Variants in PACRG observed in about 807,000 individuals in gnomAD.
PACRG encodes parkin coregulated gene protein.
Under a neutral mutation model 29.7 loss-of-function variants are expected in PACRG, and 29 were observed. That is an observed-to-expected ratio of 0.98 (90% confidence interval 0.73 to 1.33). The LOEUF is 1.33. Among genes scored for constraint, PACRG ranks in the 40% most tolerant of loss-of-function variants. PACRG has a pLI of 0.00. For missense variants in PACRG, 279 were observed against 316.2 expected (o/e 0.88, Z 0.89); for synonymous variants, 116 against 118.7 (o/e 0.98, Z 0.15).
intron 2 of PACRG, among the ~76,000 whole-genome samples, chr6:162,936,913 A>G (rs1217562623): frequency 6.6e-6 from 1 of 152,186 alleles, no homozygotes; most frequent in Non-Finnish European, 1.5e-5. Context: ...TGGGTTAAGC[A>G]TTCAATAGAG....
rs9356080 is a variant in PACRG, at chr6:162,948,828, C to A, written c.292-113322C>A. Among the ~76,000 whole-genome samples, 258 of 151,930 alleles carry A rather than the reference C, an allele frequency of 1.7e-3. 7 individuals carry two copies. The East Asian group carries it at 0.042, about 25-fold the overall frequency. ...ATTGGGGAAATGCAAATCAAAACCA[C>A]AATAAAAATATCATCTTACTCCAGT... On this transcript the variant is annotated intron_variant, in intron 2 of 4. Transcript: ENST00000366888.
intron 3 of PACRG, among the ~76,000 whole-genome samples, chr6:163,082,890 A>G (rs192706636): frequency 3.9e-5 from 6 of 152,286 alleles, no homozygotes; most frequent in African/African-American, 1.4e-4. Flanking sequence ...TCTTTCCTAC[A>G]ATGCTTTGTG....
chr6:163,067,036 C>A (rs890366986), intron 3 of PACRG, among the ~76,000 whole-genome samples: 55 of 152,212 alleles, frequency 3.6e-4, no homozygotes, highest in Non-Finnish European at 1.2e-4. Flanking sequence ...GGAAGGTAGA[C>A]TTCTTGACTG....
Position 162,808,293 on chromosome 6 carries a change from A to T in PACRG, c.157-5854A>T, listed in dbSNP as rs868154014. 3.3e-5 allele frequency among the ~76,000 whole-genome samples: 5 copies of T among 152,336 alleles called. No individual in the cohort carries two copies. The Middle Eastern group carries it at 0.014, about 415-fold the overall frequency. On this transcript the variant is annotated intron_variant, in intron 1 of 4. Transcript: ENST00000366888. ...CGTTTATAACAATGGCGTTTTCATG[A>T]ATCAGAATTTCAGATTGAACCTGAT...
chr6:162,885,235 C>CTTT (rs36030258), intron 2 of PACRG, among the ~76,000 whole-genome samples: 39 of 141,738 alleles, frequency 2.8e-4, no homozygotes, highest in Non-Finnish European at 4.5e-4. Context: ...TTTGAGTAAC[C>CTTT]TTTTTTTTTT....
intron 4 of PACRG, among the ~76,000 whole-genome samples, chr6:163,209,528 G>A (rs755974682): frequency 2.6e-5 from 4 of 152,232 alleles, no homozygotes; most frequent in Non-Finnish European, 5.9e-5. Flanking sequence ...GACAGGTTAT[G>A]CTACAGGGAT....
intron 2 of PACRG, among the ~76,000 whole-genome samples, chr6:163,020,694 G>A (rs1227785572): frequency 1.3e-5 from 2 of 151,882 alleles, no homozygotes; most frequent in African/African-American, 2.4e-5. Context: ...ACAGATCACC[G>A]AGAAAATCTT....
rs78770655 is a variant in PACRG at position 162,864,805 on chromosome 6, C to T, written c.291+50524C>T. Among the ~76,000 whole-genome samples the T allele has an allele frequency of 2.0e-3, 301 of 152,310 alleles. 1 individual carries two copies. Among genetic ancestry groups the T allele is most frequent in the Non-Finnish European group, 3.2e-3 (221 of 68,018 alleles). ...TTCTCCACCTCTGATTACTCCTACA[C>T]CTTGACTGAGTACTGACTACATGTA... On this transcript the variant is annotated intron_variant, in intron 2 of 4. Coordinates refer to ENST00000366888, the MANE Select transcript of PACRG (RefSeq NM_001080379.2).
chr6:162,973,824 T>G (rs1801731717), intron 2 of PACRG, among the ~76,000 whole-genome samples: 1 of 152,070 alleles, frequency 6.6e-6, no homozygotes, highest in South Asian at 2.1e-4. Context: ...TGCAGAATAA[T>G]AAAAATAACT....
intron 4 of PACRG, among the ~76,000 whole-genome samples, chr6:163,221,325 G>A (rs757288436): frequency 3.3e-5 from 5 of 152,168 alleles, no homozygotes; most frequent in Non-Finnish European, 5.9e-5. Context: ...TGGGTGTTGC[G>A]GGAAGGTTGA....
chr6:163,032,919 T>G (rs1406678381), intron 2 of PACRG, among the ~76,000 whole-genome samples: 1 of 152,204 alleles, frequency 6.6e-6, no homozygotes. Flanking sequence ...CTATTATGCT[T>G]TTATTCCAAT....
chr6:163,065,750 G>T (rs1045880769), intron 3 of PACRG, among the ~76,000 whole-genome samples: 3 of 152,140 alleles, frequency 2.0e-5, no homozygotes, highest in Admixed American at 6.5e-5. Context: ...GAGGAGATTA[G>T]ACTCAAATAA....
intron 4 of PACRG, among the ~76,000 whole-genome samples, chr6:163,108,681 G>A (rs555407734): frequency 3.1e-4 from 47 of 152,248 alleles, no homozygotes; most frequent in African/African-American, 1.1e-3. Flanking sequence ...GAGCCACTGT[G>A]CCTGGCTGAA....
chr6:162,748,699 G>T (rs1387298216), intron 1 of PACRG, among the ~76,000 whole-genome samples: 2 of 152,010 alleles, frequency 1.3e-5, no homozygotes, highest in Non-Finnish European at 2.9e-5. Context: ...CCTGACCGCA[G>T]CCTACTCCCC....
intron 4 of PACRG, among the ~76,000 whole-genome samples, chr6:163,167,725 G>C (rs1778880201): frequency 6.6e-6 from 1 of 152,206 alleles, no homozygotes; most frequent in Non-Finnish European, 1.5e-5. Context: ...TCAAGGGCTA[G>C]ATTCACTTAA....
At chr6:162,875,566 G>A (rs899513324) in intron 2 of PACRG, among the ~76,000 whole-genome samples, 3 of 152,216 alleles carry the variant, frequency 2.0e-5, no homozygotes, top group Non-Finnish European at 2.9e-5. Context: ...AGCCAAAAGT[G>A]GCTGAAAGAA....
intron 2 of PACRG, among the ~76,000 whole-genome samples, chr6:163,018,062 T>C (rs1443238941): frequency 6.6e-6 from 1 of 152,172 alleles, no homozygotes; most frequent in Admixed American, 6.5e-5. Flanking sequence ...TATCCCTTTC[T>C]CTTAGAAAAA....
rs549939303 is a variant in PACRG, at chr6:162,858,304, G to A, written c.291+44023G>A. The stretch of plus-strand genomic sequence containing the variant: ...CAGCAGGAGAGAGATAGAGAAGGCG[G>A]AAGTGCCACACTTTTAAACCATCAG... On this transcript the variant is annotated intron_variant, in intron 2 of 4. Coordinates refer to ENST00000366888, the MANE Select transcript of PACRG (RefSeq NM_001080379.2). 7.5e-4 allele frequency among the ~76,000 whole-genome samples: 114 copies of A among 152,210 alleles called. 3 individuals are homozygous for A. In the South Asian group the frequency reaches 0.023, roughly 31 times the overall value.
At chr6:163,074,606 C>A (rs1182674704) in intron 3 of PACRG, among the ~76,000 whole-genome samples, 1 of 150,992 alleles carries the variant, frequency 6.6e-6, no homozygotes, top group Non-Finnish European at 1.5e-5. Context: ...GTGATGAATA[C>A]CTCATTTACC....
Sources: allele counts gnomAD v4.1 joint callset (sites outside exome capture counted in the v4.1 genomes callset), GRCh38; gene constraint gnomAD v4.1.1; transcripts MANE v1.5; gene names NCBI Gene and HGNC (gene_info 2026-07-23, HGNC 2026-07-21).